KIFAP3: variants seen among roughly 807,000 people sequenced by gnomAD.
KIFAP3 encodes kinesin-associated protein 3.
KIFAP3 carries 68 observed loss-of-function variants against 106.5 expected under a neutral mutation model. That is an observed-to-expected ratio of 0.64 (90% CI 0.53 to 0.78). The LOEUF is 0.78. KIFAP3 is among the 30% of genes least tolerant of loss of function. The pLI, the probability that KIFAP3 is intolerant of heterozygous loss-of-function variation, is 0.00. For missense variants in KIFAP3, 780 were observed against 941.8 expected, an observed-to-expected ratio of 0.83 and a Z score of 2.25; for synonymous variants, 320 against 311.5, an observed-to-expected ratio of 1.03 and a Z score of -0.29.
chr1:169,937,433 T>C (rs1026729842), intron 19 of KIFAP3, among the ~76,000 whole-genome samples: 3 of 151,868 alleles, frequency 2.0e-5, no homozygotes, highest in Admixed American at 1.3e-4. Flanking sequence ...ATCCCAACAG[T>C]ATATATGCTA....
chr1:170,075,816 T>C (rs1671891247), upstream of KIFAP3, among the ~76,000 whole-genome samples: 1 of 152,204 alleles, frequency 6.6e-6, no homozygotes, highest in Admixed American at 6.5e-5. Flanking sequence ...CTTCAAGATA[T>C]TCAGGTAGTC....
At chr1:170,037,201 A>T (rs938243460) in intron 5 of KIFAP3, among the ~76,000 whole-genome samples, 2 of 152,188 alleles carry the variant, frequency 1.3e-5, no homozygotes, top group African/African-American at 2.4e-5. Flanking sequence ...CCACAGAATA[A>T]GTTTTCAAGA....
chr1:169,926,329 G>A (rs184422510), intron 19 of KIFAP3, among the ~76,000 whole-genome samples: 3 of 152,146 alleles, frequency 2.0e-5, no homozygotes, highest in Non-Finnish European at 2.9e-5. Context: ...CTCATTACAT[G>A]GTCTCTAATC....
chr1:170,006,480 G>A (rs775518753), intron 10 of KIFAP3, among the ~76,000 whole-genome samples: 13 of 152,072 alleles, frequency 8.5e-5, no homozygotes, highest in Non-Finnish European at 1.5e-4. Flanking sequence ...AGGGGAGGTG[G>A]GTGGTGCACA....
At chr1:170,063,420 A>T (rs115691919) in intron 1 of KIFAP3, among the ~76,000 whole-genome samples, 3,425 of 152,228 alleles carry the variant, frequency 0.022, 116 homozygotes, top group African/African-American at 0.066. Flanking sequence ...AGATAGCTAA[A>T]CCTGCTATAA....
intron 16 of KIFAP3, among the ~76,000 whole-genome samples, chr1:169,973,186 C>A (rs2101892071): frequency 7.7e-6 from 1 of 130,694 alleles, no homozygotes; most frequent in South Asian, 2.5e-4. Flanking sequence ...GAACCAAAAA[C>A]AAAAGCAAAA....
rs187119581 is a variant in KIFAP3, at chr1:170,043,443, C to T, written c.319+3269G>A. Among the ~76,000 whole-genome samples the T allele has an allele frequency of 5.3e-4, 80 of 152,256 alleles. No homozygotes were observed. In the East Asian group the frequency reaches 0.014, roughly 27 times the overall value. ...GACTGTGCGACTCCACCTATAACTG[C>T]CAAGTGGAGTACCCCAGATGAAGCA... is the stretch of plus-strand genomic sequence containing the variant. On this transcript the variant is annotated intron_variant, in intron 3 of 19. Coordinates refer to ENST00000361580, the MANE Select transcript of KIFAP3 (RefSeq NM_014970.4).
intron 10 of KIFAP3, among the ~76,000 whole-genome samples, chr1:170,008,426 A>G (rs965953659): frequency 5.3e-5 from 8 of 151,670 alleles, no homozygotes; most frequent in Non-Finnish European, 1.2e-4. Flanking sequence ...TTTACAAGAA[A>G]AAAACAAACA....
chr1:169,971,605 T>C (rs1665923738), intron 17 of KIFAP3, among the ~76,000 whole-genome samples: 1 of 152,006 alleles, frequency 6.6e-6, no homozygotes, highest in South Asian at 2.1e-4. Flanking sequence ...AAAGTGACAA[T>C]GAAGTTCCTA....
upstream of KIFAP3, among the ~76,000 whole-genome samples, chr1:170,076,675 T>G (rs182811939): frequency 8.5e-5 from 13 of 152,286 alleles, no homozygotes; most frequent in African/African-American, 2.9e-4. Context: ...CACCTCCTTT[T>G]AACAAGGAAA....
intron 10 of KIFAP3, among the ~76,000 whole-genome samples, chr1:169,999,370 C>T (rs972263339): frequency 1.3e-5 from 2 of 152,134 alleles, no homozygotes; most frequent in African/African-American, 4.8e-5. Context: ...AAAAAGGCTC[C>T]TTTAAGACAT....
At chr1:169,923,740 G>C (rs1247294864) in intron 19 of KIFAP3, among the ~76,000 whole-genome samples, 1 of 152,232 alleles carries the variant, frequency 6.6e-6, no homozygotes, top group Non-Finnish European at 1.5e-5. Flanking sequence ...CGACTTGTTA[G>C]CAATATCACT....
chr1:169,969,723 T>A (rs1318423118), intron 17 of KIFAP3, among the ~76,000 whole-genome samples: 1 of 151,982 alleles, frequency 6.6e-6, no homozygotes, highest in Non-Finnish European at 1.5e-5. Flanking sequence ...CCTTTTCCTG[T>A]AAACACCCTG....
intron 3 of KIFAP3, among the ~76,000 whole-genome samples, chr1:170,039,668 C>T (rs145731629): frequency 5.3e-5 from 8 of 151,310 alleles, no homozygotes; most frequent in African/African-American, 1.2e-4. Context: ...GAAAAAAGTA[C>T]GACTTGAGTA....
At position 170,031,959 on chromosome 1, in the gene KIFAP3, G is replaced by A; in HGVS notation, c.768C>T (p.Thr256=). ...AGGTTTTTTCATAATCCTTTCTCAA[G>A]GTTTGGTTTTCAGGGTCTTCATCAA... is the stretch of plus-strand genomic sequence containing the variant. The part of the protein sequence containing the change: ...KAVDEDPENQ[T]LRKDYEKTFK... Residue 256 remains threonine (T), a synonymous_variant, in exon 8 of 20, where the codon ACC becomes ACT. Transcript: ENST00000361580. 1 of 1,609,786 alleles carries A rather than the reference G, an allele frequency of 6.2e-7. No homozygotes were observed. Among genetic ancestry groups the A allele is most frequent in the East Asian group, 2.2e-5 (1 of 44,718 alleles).
intron 19 of KIFAP3, among the ~76,000 whole-genome samples, chr1:169,939,423 C>G (rs1349155307): frequency 6.6e-6 from 1 of 151,996 alleles, no homozygotes; most frequent in African/African-American, 2.4e-5. Flanking sequence ...AAGGGAGGAA[C>G]CTGTTTATAT....
chr1:170,069,407 G>A (rs894227244), intron 1 of KIFAP3, among the ~76,000 whole-genome samples: 3 of 151,978 alleles, frequency 2.0e-5, no homozygotes, highest in African/African-American at 7.2e-5. Context: ...AGACACTACA[G>A]GAAAACCTTT....
chr1:170,065,191 C>T (rs936635192), intron 1 of KIFAP3, among the ~76,000 whole-genome samples: 3 of 152,148 alleles, frequency 2.0e-5, no homozygotes, highest in African/African-American at 2.4e-5. Flanking sequence ...TTAATATGGT[C>T]ATTTTAGCAT....
intron 9 of KIFAP3, among the ~76,000 whole-genome samples, chr1:170,023,890 A>G (rs1668980162): frequency 6.6e-6 from 1 of 152,130 alleles, no homozygotes. Flanking sequence ...GAGGGTATCA[A>G]TTAATACAAT....
Sources: gnomAD v4.1 joint callset for allele counts (sites outside exome capture counted in the v4.1 genomes callset) on GRCh38, gnomAD v4.1.1 for gene constraint, MANE v1.5 for transcripts, NCBI Gene and HGNC (gene_info 2026-07-23, HGNC 2026-07-21) for gene names.